The following BTBD9 variants were observed in gnomAD, a reference collection of about 807,000 sequenced individuals.
BTBD9 encodes the protein BTB/POZ domain-containing protein 9.
A neutral mutation model predicts 64.3 loss-of-function variants in BTBD9; 49 were observed. The observed-to-expected ratio is 0.76, with a 90% CI of 0.61 to 0.97. The LOEUF is 0.97. Ranked by LOEUF, BTBD9 falls within the 50% of genes least tolerant of loss-of-function variation. The pLI is 0.00. For missense variants in BTBD9, 598 were observed against 762.1 expected (o/e 0.78, Z 2.53); for synonymous variants, 260 against 274.7 (o/e 0.95, Z 0.53).
At chr6:38,565,560 G>A (rs1404091951) in intron 6 of BTBD9, among the ~76,000 whole-genome samples, 2 of 151,526 alleles carry the variant, frequency 1.3e-5, no homozygotes, top group African/African-American at 4.9e-5. Flanking sequence ...TCAACAACAA[G>A]TGCACAGTTG....
chr6:38,177,204 T>C (rs1360395315), intron 10 of BTBD9, among the ~76,000 whole-genome samples: 1 of 152,248 alleles, frequency 6.6e-6, no homozygotes, highest in Non-Finnish European at 1.5e-5. Context: ...AGGCTGACAC[T>C]AATCCTGGAA....
intron 10 of BTBD9, among the ~76,000 whole-genome samples, chr6:38,178,902 G>T (rs1761409044): frequency 6.6e-6 from 1 of 152,012 alleles, no homozygotes; most frequent in African/African-American, 2.4e-5. Flanking sequence ...CGCCAGGCTG[G>T]GGTGCAGGGG....
At chr6:38,261,800 G>A (rs777288012) in intron 8 of BTBD9, among the ~76,000 whole-genome samples, 1 of 152,174 alleles carries the variant, frequency 6.6e-6, no homozygotes, top group Non-Finnish European at 1.5e-5. Flanking sequence ...CCCAGGGACT[G>A]GAGATGTGGG....
chr6:38,550,799 T>C (rs1774765155), intron 6 of BTBD9, among the ~76,000 whole-genome samples: 1 of 152,216 alleles, frequency 6.6e-6, no homozygotes. Flanking sequence ...ATGGTCTACC[T>C]AGTAGTTAGA....
chr6:38,446,446 GTC>G (rs1213684402), intron 6 of BTBD9, among the ~76,000 whole-genome samples: 2 of 152,248 alleles, frequency 1.3e-5, no homozygotes, highest in African/African-American at 4.8e-5. Context: ...TTGAGAGTCT[GTC>G]TCTACCAGTG....
chr6:38,491,308 T>C (rs2127391342), intron 6 of BTBD9, among the ~76,000 whole-genome samples: 1 of 152,312 alleles, frequency 6.6e-6, no homozygotes, highest in Admixed American at 6.5e-5. Flanking sequence ...AAAGGCAAGG[T>C]GTTAGTTACA....
In BTBD9 at chr6:38,302,485, G is replaced by GTATGTGTGTGTGTGTATATATA. The variant is rs1384155514; in HGVS notation, c.1265-14025_1265-14024insTATATATACACACACACACATA. Reference sequence around the variant, plus strand: ...CTGAATAATATTCCATTGTGTGTATGTATATATATATATATATATATATAT... The same window carrying GTATGTGTGTGTGTGTATATATA: ...CTGAATAATATTCCATTGTGTGTATGTATGTGTGTGTGTGTATATATATATATATATATATATATATATATAT... On this transcript the variant is annotated intron_variant, in intron 7 of 10. Transcript: ENST00000481247. Among the ~76,000 whole-genome samples the GTATGTGTGTGTGTGTATATATA allele has an allele frequency of 3.0e-4, 32 of 106,894 alleles. 1 individual carries two copies. The highest frequency in any genetic ancestry group is 9.9e-4 in the African/African-American group (28 of 28,234). The allele number at this position is 106,894 out of a possible 152,430, so 70.1% of individuals were successfully genotyped here. A position where few individuals can be genotyped will look rare whatever the true frequency, so the allele number is the denominator to read the frequency against.
At chr6:38,517,998 C>T (rs957191205) in intron 6 of BTBD9, among the ~76,000 whole-genome samples, 6 of 152,222 alleles carry the variant, frequency 3.9e-5, no homozygotes, top group Admixed American at 1.3e-4. Flanking sequence ...ATCATTAAAA[C>T]GCACATTTTC....
chr6:38,211,438 A>AG (rs1381414431), intron 9 of BTBD9, among the ~76,000 whole-genome samples: 1 of 150,458 alleles, frequency 6.6e-6, no homozygotes, highest in African/African-American at 2.4e-5. Context: ...CACAAAAGAA[A>AG]AAAAAAAAAA....
In BTBD9 at chr6:38,247,374, T is replaced by A. The variant is rs374872283; in HGVS notation, c.1562+9035A>T. Among the ~76,000 whole-genome samples, 66 of 152,338 alleles carry A rather than the reference T, an allele frequency of 4.3e-4. 1 individual carries two copies. In the South Asian group the frequency reaches 0.013, roughly 30 times the overall value. On this transcript the variant is annotated intron_variant, in intron 9 of 10. Transcript: ENST00000481247. Reference sequence around the variant, plus strand: ...CAGATACAGAAACAGATCCCAGGACTAAGTGGCAGTGCATTCAGCAAGGGG... The same window carrying A: ...CAGATACAGAAACAGATCCCAGGACAAAGTGGCAGTGCATTCAGCAAGGGG...
At chr6:38,177,382 C>T (rs987293763) in intron 10 of BTBD9, among the ~76,000 whole-genome samples, 2 of 152,310 alleles carry the variant, frequency 1.3e-5, no homozygotes, top group South Asian at 2.1e-4. Flanking sequence ...CCTCCCGCTC[C>T]GTGGCCCACC....
chr6:38,632,804 C>T (rs1332308747), intron 1 of BTBD9, among the ~76,000 whole-genome samples: 1 of 152,010 alleles, frequency 6.6e-6, no homozygotes, highest in Non-Finnish European at 1.5e-5. Flanking sequence ...TGGTGGCATG[C>T]ACCTGTCATC....
At position 38,577,719 on chromosome 6, in the gene BTBD9, C is replaced by A. The variant is rs374052784; in HGVS notation, c.1035G>T (p.Arg345=). 3 of 1,601,438 alleles carry A rather than the reference C, an allele frequency of 1.9e-6. No homozygotes were observed. The highest frequency in any genetic ancestry group is 1.3e-5 in the African/African-American group (1 of 74,206). ...ACACTTCAATGAAGTATGAGTAAGACCTGTGAATCAAAAGGAAAAAGCAGA... is the reference window on the plus strand; with the variant it reads ...ACACTTCAATGAAGTATGAGTAAGAACTGTGAATCAAAAGGAAAAAGCAGA... The part of the protein sequence containing the change: ...IRILLWDRDS[R]SYSYFIEVSM... Residue 345 remains arginine, a splice_region_variant and synonymous_variant, in exon 6 of 11, where the codon CGG becomes CGT. Coordinates refer to ENST00000481247, the MANE Select transcript of BTBD9 (RefSeq NM_001099272.2).
intron 2 of BTBD9, 151 bp downstream of exon 2, chr6:38,597,759 A>G (rs1777096743): frequency 6.0e-6 from 4 of 663,824 alleles, no homozygotes; most frequent in South Asian, 5.1e-5. Flanking sequence ...AAAAAATAAC[A>G]AAGTCTACAA....
chr6:38,556,788 G>A (rs927916835), intron 6 of BTBD9, among the ~76,000 whole-genome samples: 5 of 151,234 alleles, frequency 3.3e-5, no homozygotes, highest in African/African-American at 9.7e-5. Context: ...AGGCCGAGGC[G>A]GGTGGATCAC....
In BTBD9 at chr6:38,222,539, A is replaced by G. The variant is rs187130645; in HGVS notation, c.1563-29942T>C. Among the ~76,000 whole-genome samples, 1,079 of 152,182 alleles carry G rather than the reference A, an allele frequency of 7.1e-3. 8 individuals are homozygous for G. The highest frequency in any genetic ancestry group is 0.014 in the African/African-American group (591 of 41,532). On this transcript the variant is annotated intron_variant, in intron 9 of 10. Coordinates refer to ENST00000481247, the MANE Select transcript of BTBD9 (RefSeq NM_001099272.2). ...CTCCCAAAGTGCTAGGATTACAGGC[A>G]TGAACCACTGCGCCAGACCTTGATT...
At chr6:38,629,029 T>C (rs1330627092) in intron 1 of BTBD9, among the ~76,000 whole-genome samples, 1 of 150,654 alleles carries the variant, frequency 6.6e-6, no homozygotes, top group Non-Finnish European at 1.5e-5. Flanking sequence ...ACAATATGAG[T>C]TTAAAAAAAA....
rs6903078 is a variant in BTBD9, at chr6:38,598,530, G to A, written c.-27-409C>T. Among the ~76,000 whole-genome samples, 292 of 152,278 alleles carry A rather than the reference G, an allele frequency of 1.9e-3. 2 individuals carry two copies. The highest frequency in any genetic ancestry group is 6.7e-3 in the African/African-American group (278 of 41,564). On this transcript the variant is annotated intron_variant, in intron 1 of 10. Coordinates refer to ENST00000481247, the MANE Select transcript of BTBD9 (RefSeq NM_001099272.2). ...CGAATAGAAAAGTCATTCAGGCACCGATCTAGGCCTAAATTACAAACAGAA... is the reference window on the plus strand; with the variant it reads ...CGAATAGAAAAGTCATTCAGGCACCAATCTAGGCCTAAATTACAAACAGAA...
intron 10 of BTBD9, among the ~76,000 whole-genome samples, chr6:38,190,848 GA>G (rs1182455859): frequency 3.3e-5 from 5 of 152,188 alleles, no homozygotes; most frequent in African/African-American, 7.2e-5. Flanking sequence ...GGCAGCCCTA[GA>G]AGAAGGCCCT....
Sources: gnomAD v4.1 joint callset for allele counts (sites outside exome capture counted in the v4.1 genomes callset) on GRCh38, gnomAD v4.1.1 for gene constraint, MANE v1.5 for transcripts, NCBI Gene and HGNC (gene_info 2026-07-23, HGNC 2026-07-21) for gene names.